The following TTC39A variants were observed in gnomAD, a reference collection of about 807,000 sequenced individuals.
TTC39A encodes the protein tetratricopeptide repeat domain 39A.
Under a neutral mutation model 82.3 loss-of-function variants are expected in TTC39A, and 46 were observed. The ratio of observed to expected loss-of-function variants is 0.56; its 90% confidence interval spans 0.44 to 0.71. The LOEUF is 0.71. Ranked by LOEUF, TTC39A falls within the 30% of genes least tolerant of loss-of-function variation. The pLI is 0.00. For synonymous variants in TTC39A, 254 were observed against 275.2 expected, an observed-to-expected ratio of 0.92 and a Z score of 0.76; for missense variants, 543 against 712.9, an observed-to-expected ratio of 0.76 and a Z score of 2.71.
chr1:51,294,302 C>G lies in TTC39A; in HGVS notation c.1266+89G>C. 1 of 1,590,450 alleles carries G rather than the reference C, an allele frequency of 6.3e-7. No individual in the cohort carries two copies. Among genetic ancestry groups the G allele is most frequent in the Non-Finnish European group, 8.6e-7 (1 of 1,166,548 alleles). ...GCCCCTGAGGCATGAAGGTCTTTCT[C>G]CTCATCCACCTCCCCCTGGCTGTGG... On this transcript the variant is annotated intron_variant, in intron 14 of 17. Transcript: ENST00000680483. The surrounding 1 kb of genome is among the most constrained non-coding windows in gnomAD (Gnocchi z 4.3).
At chr1:51,303,295 C>A (rs760778706) in intron 8 of TTC39A, 103 bp from the exon 9 acceptor site, 19 of 987,592 alleles carry the variant, frequency 1.9e-5, no homozygotes, top group Non-Finnish European at 2.7e-5. Flanking sequence ...GGCGGAAGAG[C>A]ACTGGAACCC....
intron 1 of TTC39A, among the ~76,000 whole-genome samples, chr1:51,340,902 T>C (rs1168434843): frequency 6.6e-6 from 1 of 152,188 alleles, no homozygotes; most frequent in Non-Finnish European, 1.5e-5. Context: ...CCGGGTGCGG[T>C]AGCTCTTGCC....
chr1:51,317,854 C>T (rs1216908201), intron 2 of TTC39A, among the ~76,000 whole-genome samples: 2 of 152,184 alleles, frequency 1.3e-5, no homozygotes, highest in East Asian at 3.9e-4. Context: ...CGTGAGATAA[C>T]AGGTGGCCCC....
At chr1:51,291,972 C>T (rs1019024215) in intron 14 of TTC39A, among the ~76,000 whole-genome samples, 33 of 152,122 alleles carry the variant, frequency 2.2e-4, no homozygotes, top group African/African-American at 7.7e-4. Flanking sequence ...GTTAGAGGAT[C>T]TCTTGAGCCC....
In TTC39A at chr1:51,291,611, C is replaced by T. The variant is rs1345393404; in HGVS notation, c.1267-986G>A. Among the ~76,000 whole-genome samples, 26 of 118,660 alleles carry T rather than the reference C, an allele frequency of 2.2e-4. 1 individual carries two copies. The highest frequency in any genetic ancestry group is 3.0e-4 in the Non-Finnish European group (18 of 60,538). The allele number at this position is 118,660 out of a possible 152,430, so 77.8% of individuals were successfully genotyped here. ...TTCAAGACCAGCCTGGGCAACATGG[C>T]GAAACCCCATCTCCACCAAAAAAAA... is the stretch of plus-strand genomic sequence containing the variant. On this transcript the variant is annotated intron_variant, in intron 14 of 17. Transcript: ENST00000680483.
At position 51,302,494 on chromosome 1, in the gene TTC39A, C is replaced by T. The variant is rs1165006332; in HGVS notation, c.831+12G>A. 6.2e-7 allele frequency: 1 copy of T among 1,609,032 alleles called. No homozygotes were observed. The highest frequency in any genetic ancestry group is 1.1e-5 in the South Asian group (1 of 89,858). On this transcript the variant is annotated intron_variant, in intron 10 of 17. Coordinates refer to ENST00000680483, the MANE Select transcript of TTC39A (RefSeq NM_001297663.2). ...TGTGGGCTGGGGGTACCGGGCAGCA[C>T]ATGGGGCTCACCTTAGGGTACCGGT...
rs1195659289 is a variant in TTC39A, at chr1:51,294,905, A to G, written c.1146-394T>C. 1.3e-5 allele frequency among the ~76,000 whole-genome samples: 2 copies of G among 152,216 alleles called. No homozygotes were observed. The highest frequency in any genetic ancestry group is 2.9e-5 in the Non-Finnish European group (2 of 68,046). ...AACACTCGGAGAAAGGGTGGGACCT[A>G]CCCAAGACCAAACAGCTCAAACCCT... On this transcript the variant is annotated intron_variant, in intron 13 of 17. Coordinates refer to ENST00000680483, the MANE Select transcript of TTC39A (RefSeq NM_001297663.2). This position sits in a 1 kb window ranked among gnomAD's most constrained non-coding sequence, Gnocchi z 4.3.
At chr1:51,309,743 C>A (rs911770821) in intron 5 of TTC39A, among the ~76,000 whole-genome samples, 1 of 152,102 alleles carries the variant, frequency 6.6e-6, no homozygotes, top group Non-Finnish European at 1.5e-5. Flanking sequence ...GTACACCCAA[C>A]GGAAACGGAT....
chr1:51,334,496 T>G (rs1206360146), upstream of TTC39A, among the ~76,000 whole-genome samples: 1 of 151,026 alleles, frequency 6.6e-6, no homozygotes, highest in African/African-American at 2.4e-5. Flanking sequence ...AGAGTGAAAC[T>G]CCATCTAAAA....
Position 51,294,120 on chromosome 1 carries a change from C to A in TTC39A, c.1266+271G>T, listed in dbSNP as rs752727145. 6.6e-6 allele frequency among the ~76,000 whole-genome samples: 1 copy of A among 152,166 alleles called. No homozygotes were observed. The highest frequency in any genetic ancestry group is 2.4e-5 in the African/African-American group (1 of 41,438). On this transcript the variant is annotated intron_variant, in intron 14 of 17. Coordinates refer to ENST00000680483, the MANE Select transcript of TTC39A (RefSeq NM_001297663.2). This position sits in a 1 kb window ranked among gnomAD's most constrained non-coding sequence, Gnocchi z 4.3. ...CACTGGCAGCCGGGTGATGCCGCTG[C>A]CTGGGCACATGGACATGGGGCTCTC...
chr1:51,333,608 G>C (rs192658067), upstream of TTC39A, among the ~76,000 whole-genome samples: 1 of 152,298 alleles, frequency 6.6e-6, no homozygotes, highest in Non-Finnish European at 1.5e-5. Context: ...CCTCTTCCAG[G>C]AAGCCCTCCC....
intron 16 of TTC39A, among the ~76,000 whole-genome samples, chr1:51,289,250 C>T (rs960410966): frequency 1.3e-5 from 2 of 152,194 alleles, no homozygotes; most frequent in Non-Finnish European, 2.9e-5. Context: ...CTCTCTGACC[C>T]GACCTCCATG....
chr1:51,310,168 C>T (rs896549996), intron 5 of TTC39A, among the ~76,000 whole-genome samples: 1 of 152,004 alleles, frequency 6.6e-6, no homozygotes, highest in Middle Eastern at 3.2e-3. Context: ...ACCCAGGAGG[C>T]GGAGGTTGCA....
At chr1:51,330,902 C>G, upstream of TTC39A, 1 of 601,280 alleles carries the variant, frequency 1.7e-6, no homozygotes, top group Non-Finnish European at 3.0e-6. This position sits in a 1 kb window ranked among gnomAD's most constrained non-coding sequence, Gnocchi z 4.5. Context: ...CCACCTGAGC[C>G]GTCACCATCC....
chr1:51,331,067 G>T, upstream of TTC39A: 1 of 980,912 alleles, frequency 1.0e-6, no homozygotes, highest in South Asian at 1.4e-5. Context: ...AGTTCACACT[G>T]CCTTCTCAAA....
Position 51,330,485 on chromosome 1 carries a change from G to GGGCGCC in TTC39A, c.-9_-8insGGCGCC. 1.0e-6 allele frequency: 1 copy of GGGCGCC among 983,768 alleles called. No individual in the cohort carries two copies. Among genetic ancestry groups the GGGCGCC allele is most frequent in the Non-Finnish European group, 1.2e-6 (1 of 830,222 alleles). The allele number at this position is 983,768 out of a possible 1,614,324, so 60.9% of individuals were successfully genotyped here. ...GCCGCCAGCCGAGGTCATCGCCGAG[G>GGGCGCC]GGCGCGGGCGGCGCTGCCCCAGCCG... On this transcript the variant is annotated 5_prime_UTR_variant, in exon 1 of 18. Coordinates refer to ENST00000680483, the MANE Select transcript of TTC39A (RefSeq NM_001297663.2). This position sits in a 1 kb window ranked among gnomAD's most constrained non-coding sequence, Gnocchi z 4.5.
chr1:51,291,486 C>T (rs750132457), intron 14 of TTC39A, among the ~76,000 whole-genome samples: 19 of 138,656 alleles, frequency 1.4e-4, no homozygotes, highest in Non-Finnish European at 2.5e-4. Context: ...GACTCCGTCT[C>T]AAAAAAAAAG....
At chr1:51,322,824 T>C (rs1242505882) in intron 1 of TTC39A, among the ~76,000 whole-genome samples, 1 of 152,124 alleles carries the variant, frequency 6.6e-6, no homozygotes, top group Non-Finnish European at 1.5e-5. Context: ...TTCCCAGAAG[T>C]TAGTTAAAAG....
chr1:51,313,475 A>G (rs1281241408), intron 2 of TTC39A, among the ~76,000 whole-genome samples: 1 of 151,762 alleles, frequency 6.6e-6, no homozygotes, highest in East Asian at 1.9e-4. Flanking sequence ...CAGTGGTTAC[A>G]CCTTCCCATG....
Sources: allele counts gnomAD v4.1 joint callset (sites outside exome capture counted in the v4.1 genomes callset), GRCh38; gene constraint gnomAD v4.1.1; non-coding constraint Gnocchi (gnomAD v3.1); transcripts MANE v1.5; gene names NCBI Gene and HGNC (gene_info 2026-07-23, HGNC 2026-07-21).